The following PCDHA3 variants were observed in gnomAD, a reference collection of about 807,000 sequenced individuals.
PCDHA3 encodes the protein protocadherin alpha 3, also known as protocadherin alpha-3.
PCDHA3 carries 41 observed loss-of-function variants against 62.2 expected under a neutral mutation model. The ratio of observed to expected loss-of-function variants is 0.66; its 90% CI spans 0.51 to 0.86. PCDHA3 has a LOEUF of 0.86. PCDHA3 is among the 40% of genes least tolerant of loss of function. The pLI is 0.00. For missense variants in PCDHA3, 1,304 were observed against 1,241.2 expected (o/e 1.05, Z -0.76); for synonymous variants, 640 against 555.4 (o/e 1.15, Z -2.14).
chr5:140,996,976 G>T (rs573896136), intron 3 of PCDHA3, among the ~76,000 whole-genome samples: 1 of 151,960 alleles, frequency 6.6e-6, no homozygotes, highest in Non-Finnish European at 1.5e-5. Context: ...CTCCCCTTTG[G>T]TGAAGCAACC....
Position 140,857,842 on chromosome 5 carries a change from T to C in PCDHA3, c.2394+54251T>C, listed in dbSNP as rs932363961. 33 of 1,597,726 alleles carry C rather than the reference T, an allele frequency of 2.1e-5. 1 individual carries two copies. Among genetic ancestry groups the C allele is most frequent in the Non-Finnish European group, 2.7e-5 (32 of 1,167,518 alleles). ...TGGCTAAGGTGCGCGCAGTGGACGCTGACTCTGGATACAACGCGTGGCTGT... is the reference window on the plus strand; with the variant it reads ...TGGCTAAGGTGCGCGCAGTGGACGCCGACTCTGGATACAACGCGTGGCTGT... On this transcript the variant is annotated intron_variant, in intron 1 of 3. Transcript: ENST00000522353.
At chr5:140,809,581 A>T in intron 1 of PCDHA3, 1 of 1,552,852 alleles carries the variant, frequency 6.4e-7, no homozygotes, top group Non-Finnish European at 8.7e-7. Flanking sequence ...AGGTTAGTGT[A>T]TAACATCCTT....
intron 1 of PCDHA3, chr5:140,968,051 C>T (rs1353005851): frequency 1.2e-6 from 2 of 1,614,018 alleles, no homozygotes; most frequent in African/African-American, 1.3e-5. Flanking sequence ...CCCACTGGAC[C>T]GAGAGCGGGT....
In PCDHA3 at chr5:140,952,330, C is replaced by A. The variant is rs564242872; in HGVS notation, c.2395-26619C>A. On this transcript the variant is annotated intron_variant, in intron 1 of 3. Transcript: ENST00000522353. ...TCCAGCCTGGGCAACAAGAGTGAAACTCCATCTCAAAAAAAAAAAAAAAAG... is the reference window on the plus strand; with the variant it reads ...TCCAGCCTGGGCAACAAGAGTGAAAATCCATCTCAAAAAAAAAAAAAAAAG... Among the ~76,000 whole-genome samples the A allele has an allele frequency of 2.2e-4, 26 of 120,342 alleles. No individual in the cohort carries two copies. The South Asian group carries it at 3.3e-3, about 15-fold the overall frequency. The allele number at this position is 120,342 out of a possible 152,430, so 78.9% of individuals were successfully genotyped here. A position where few individuals can be genotyped will look rare whatever the true frequency, so the allele number is the denominator to read the frequency against.
chr5:140,936,054 G>A (rs1198755229), intron 1 of PCDHA3, among the ~76,000 whole-genome samples: 2 of 151,770 alleles, frequency 1.3e-5, no homozygotes, highest in Non-Finnish European at 1.5e-5. Flanking sequence ...CACCACACCC[G>A]GCTAATTTTT....
Position 140,809,414 on chromosome 5 carries a change from A to G in PCDHA3, c.2394+5823A>G, listed in dbSNP as rs541059549. The G allele has an allele frequency of 3.0e-5, 49 of 1,614,198 alleles. No individual in the cohort carries two copies. The East Asian group carries it at 9.6e-4, about 32-fold the overall frequency. ...GGGCAAGCCCACGCTGGTGTGCTCCAGTGCGGTGGGGAGCTGGTCATACTC... is the reference window on the plus strand; with the variant it reads ...GGGCAAGCCCACGCTGGTGTGCTCCGGTGCGGTGGGGAGCTGGTCATACTC... On this transcript the variant is annotated intron_variant, in intron 1 of 3. Coordinates refer to ENST00000522353, the MANE Select transcript of PCDHA3 (RefSeq NM_018906.3).
At chr5:140,906,993 C>T (rs1361320380) in intron 1 of PCDHA3, among the ~76,000 whole-genome samples, 1 of 152,146 alleles carries the variant, frequency 6.6e-6, no homozygotes, top group African/African-American at 2.4e-5. Flanking sequence ...CAGCATTCCT[C>T]CCTCTGGAAC....
At chr5:140,946,506 A>G (rs1231345135) in intron 1 of PCDHA3, among the ~76,000 whole-genome samples, 1 of 151,616 alleles carries the variant, frequency 6.6e-6, no homozygotes, top group Non-Finnish European at 1.5e-5. Context: ...CAGTATGTCA[A>G]AGACCTATCC....
intron 1 of PCDHA3, chr5:140,851,237 G>C (rs782702575): frequency 3.6e-6 from 4 of 1,101,536 alleles, no homozygotes; most frequent in Non-Finnish European, 4.6e-6. Flanking sequence ...TTTATTTATT[G>C]CTAAATGATG....
rs781967971 is a variant in PCDHA3 at position 140,875,741 on chromosome 5, T to C, written c.2394+72150T>C. 10 of 1,614,098 alleles carry C rather than the reference T, an allele frequency of 6.2e-6. No homozygotes were observed. The highest frequency in any genetic ancestry group is 8.5e-6 in the Non-Finnish European group (10 of 1,180,040). On this transcript the variant is annotated intron_variant, in intron 1 of 3. Coordinates refer to ENST00000522353, the MANE Select transcript of PCDHA3 (RefSeq NM_018906.3). ...GGCATTTTGTTTGTGAATTCTCGGA[T>C]CGACCGCGAGAAGCTGTGCGGGCGG...
chr5:140,808,950 G>A, intron 1 of PCDHA3: 4 of 1,613,764 alleles, frequency 2.5e-6, no homozygotes, highest in Non-Finnish European at 3.4e-6. Flanking sequence ...GTGGGTGTGG[G>A]CCACGTGGTG....
intron 1 of PCDHA3, among the ~76,000 whole-genome samples, chr5:140,957,864 A>G (rs1554223166): frequency 6.6e-6 from 1 of 151,762 alleles, no homozygotes; most frequent in Admixed American, 6.6e-5. Flanking sequence ...TTTTTTTCCT[A>G]TTTTGTGCTG....
At chr5:140,879,136 T>C (rs1225791251) in intron 1 of PCDHA3, among the ~76,000 whole-genome samples, 4 of 152,206 alleles carry the variant, frequency 2.6e-5, no homozygotes, top group Admixed American at 2.6e-4. Flanking sequence ...GGGGAGATTG[T>C]GAAGGCAGGA....
chr5:140,929,681 A>C, intron 1 of PCDHA3: 1 of 302,408 alleles, frequency 3.3e-6, no homozygotes. Flanking sequence ...AAAAATATGT[A>C]AGAGTCTGCT....
chr5:140,810,853 C>G (rs769582220), intron 1 of PCDHA3: 1 of 151,972 alleles, frequency 6.6e-6, no homozygotes, highest in Non-Finnish European at 1.5e-5. Context: ...TGATTAAACT[C>G]AATTTATCAA....
At chr5:140,848,787 C>T in intron 1 of PCDHA3, 2 of 1,592,990 alleles carry the variant, frequency 1.3e-6, no homozygotes, top group Non-Finnish European at 1.7e-6. Context: ...GCTGTGCGGG[C>T]GGAGCGCGGA....
intron 1 of PCDHA3, chr5:140,828,164 A>C: frequency 3.1e-6 from 5 of 1,614,130 alleles, no homozygotes; most frequent in Non-Finnish European, 4.2e-6. Flanking sequence ...CGCAGCCTGG[A>C]AGGTGGGGAG....
At chr5:140,930,208 A>G (rs939593947) in intron 1 of PCDHA3, 39 of 152,338 alleles carry the variant, frequency 2.6e-4, no homozygotes, top group African/African-American at 8.2e-4. Flanking sequence ...AGAAATATTT[A>G]TGTGTTCAAA....
At chr5:140,868,907 A>T in intron 1 of PCDHA3, 1 of 869,128 alleles carries the variant, frequency 1.2e-6, no homozygotes, top group Non-Finnish European at 1.7e-6. Flanking sequence ...GTCGCTCTTT[A>T]CTTGGTGGAA....
Sources: gnomAD v4.1 joint callset for allele counts (sites outside exome capture counted in the v4.1 genomes callset) on GRCh38, gnomAD v4.1.1 for gene constraint, MANE v1.5 for transcripts, NCBI Gene and HGNC (gene_info 2026-07-23, HGNC 2026-07-21) for gene names.